The following METTL22 variants were observed in gnomAD, a reference collection of about 807,000 sequenced individuals.
METTL22 encodes methyltransferase 22, Kin17 lysine, also known as methyltransferase-like protein 22.
METTL22 carries 51 observed loss-of-function variants against 48.4 expected under a neutral mutation model. That is an observed-to-expected ratio of 1.05 (90% CI 0.84 to 1.33). The LOEUF is 1.33. METTL22 is among the 40% of genes most tolerant of loss of function. The probability of loss-of-function intolerance (pLI) is 0.00; values close to 1 mark genes in which losing one functional copy is unlikely to be tolerated. For synonymous variants in METTL22, 255 were observed against 214.1 expected (o/e 1.19, Z -1.67); for missense variants, 678 against 526.9 (o/e 1.29, Z -2.81).
intron 5 of METTL22, among the ~76,000 whole-genome samples, chr16:8,637,716 G>A (rs1020833485): frequency 1.1e-4 from 16 of 152,230 alleles, no homozygotes; most frequent in African/African-American, 3.4e-4. Context: ...CCACAAGCTG[G>A]CCGAGGGATG....
chr16:8,663,566 C>T, the METTL22 span, among the ~76,000 whole-genome samples: 2 of 148,862 alleles, frequency 1.3e-5, no homozygotes, highest in Non-Finnish European at 3.0e-5. Flanking sequence ...GTGGGGGCCC[C>T]ACCTGGAGGC....
At chr16:8,633,006 T>C (rs1731052) in intron 3 of METTL22, among the ~76,000 whole-genome samples, 150,248 of 152,172 alleles carry the variant, frequency 0.99, 74,208 homozygotes, top group Middle Eastern at 1. Flanking sequence ...AGGGAGCAGA[T>C]GGCAAGGAGG....
chr16:8,645,975 C>G (rs75094973), intron 10 of METTL22, 133 bp from the exon 11 acceptor site: 2 of 1,289,600 alleles, frequency 1.6e-6, no homozygotes, highest in African/African-American at 6.1e-5. Flanking sequence ...CCGTCCGCTC[C>G]TGCCCCAGCT....
chr16:8,623,352 G>T (rs529756378), intron 1 of METTL22, among the ~76,000 whole-genome samples: 1 of 151,014 alleles, frequency 6.6e-6, no homozygotes, highest in South Asian at 2.1e-4. Context: ...AAAAGAAATG[G>T]CATCCTTTGG....
At chr16:8,646,025 T>TTTCC in intron 10 of METTL22, 83 bp from the exon 11 acceptor site, 2 of 1,599,002 alleles carry the variant, frequency 1.3e-6, no homozygotes, top group Non-Finnish European at 8.5e-7. Context: ...ACTACTCTCC[T>TTTCC]TGGTGAATCA....
At chr16:8,650,699 A>G (rs984697395), downstream of METTL22, among the ~76,000 whole-genome samples, 3 of 152,208 alleles carry the variant, frequency 2.0e-5, no homozygotes, top group South Asian at 4.1e-4. Flanking sequence ...ACACATTCAT[A>G]TGCACCCCAT....
intron 4 of METTL22, 38 bp from the exon 5 acceptor site, chr16:8,635,130 C>G: frequency 6.2e-7 from 1 of 1,613,926 alleles, no homozygotes; most frequent in Non-Finnish European, 8.5e-7. Flanking sequence ...CCTGCAGAGC[C>G]TCACGCTGCT....
At chr16:8,635,535 G>C (rs1294928974) in intron 5 of METTL22, among the ~76,000 whole-genome samples, 2 of 152,292 alleles carry the variant, frequency 1.3e-5, no homozygotes, top group Admixed American at 1.3e-4. Context: ...GTGGCTATAA[G>C]GCCATTGAGC....
At chr16:8,626,761 CT>C (rs34726811) in intron 2 of METTL22, among the ~76,000 whole-genome samples, 74 of 52,530 alleles carry the variant, frequency 1.4e-3, no homozygotes, top group African/African-American at 5.4e-3. Context: ...GTCCTCTACT[CT>C]TTTTTTTTTT....
the METTL22 span, among the ~76,000 whole-genome samples, chr16:8,662,646 G>C: frequency 2.1e-5 from 3 of 144,106 alleles, 1 homozygote; most frequent in Non-Finnish European, 4.6e-5. Context: ...GAAGCTGATG[G>C]TTTGGGTCCT....
the METTL22 span, among the ~76,000 whole-genome samples, chr16:8,657,552 A>C: frequency 1.3e-5 from 2 of 152,208 alleles, no homozygotes; most frequent in Non-Finnish European, 2.9e-5. Flanking sequence ...TTCGTCTACT[A>C]TATGGAGTTC....
intron 2 of METTL22, 130 bp from the exon 3 acceptor site, chr16:8,628,600 G>T (rs951477625): frequency 2.4e-6 from 3 of 1,258,160 alleles, no homozygotes; most frequent in South Asian, 1.6e-5. Flanking sequence ...TTTTCTGCTG[G>T]CATTAGTATA....
In METTL22 at chr16:8,628,912, A is replaced by G; in HGVS notation, c.316A>G (p.Thr106Ala). Residue 106 changes from threonine (T) to alanine (A), a missense_variant, in exon 3 of 11, where the codon ACC (threonine) becomes GCC (alanine). Transcript: ENST00000381920. ...EGFSLQAGTDTTGQEVAEAQL... is the reference protein window; with the variant it reads ...EGFSLQAGTDATGQEVAEAQL... ...TTTCTCCCTCCAGGCCGGGACTGAC[A>G]CCACTGGCCAGGAAGTGGCTGAAGC... is the stretch of plus-strand genomic sequence containing the variant. 6.2e-7 allele frequency: 1 copy of G among 1,613,880 alleles called. No individual in the cohort carries two copies. Among genetic ancestry groups the G allele is most frequent in the Non-Finnish European group, 8.5e-7 (1 of 1,179,972 alleles).
the METTL22 span, among the ~76,000 whole-genome samples, chr16:8,657,144 TA>T: frequency 1.4e-4 from 22 of 152,114 alleles, 1 homozygote; most frequent in African/African-American, 5.1e-4. Context: ...TACAGCAAGA[TA>T]AGAGAGGAAG....
chr16:8,652,869 A>C (rs539060913), downstream of METTL22, among the ~76,000 whole-genome samples: 5 of 152,206 alleles, frequency 3.3e-5, no homozygotes, highest in Admixed American at 6.5e-5. Flanking sequence ...GTGTCCCCTG[A>C]ATGGGGAAGG....
intron 1 of METTL22, among the ~76,000 whole-genome samples, chr16:8,622,908 A>C (rs2055903553): frequency 6.6e-6 from 1 of 152,184 alleles, no homozygotes; most frequent in Non-Finnish European, 1.5e-5. Flanking sequence ...AGAGATTAAG[A>C]ATTTGAGTTT....
chr16:8,628,895 T>C lies in METTL22; in HGVS notation c.299T>C (p.Leu100Pro). ...GSGHGNEGFSLQAGTDTTGQE... is the reference protein window; with the variant it reads ...GSGHGNEGFSPQAGTDTTGQE... ...GGCCATGGTAATGAGGGTTTCTCCC[T>C]CCAGGCCGGGACTGACACCACTGGC... Residue 100 changes from leucine to proline, a missense_variant, in exon 3 of 11, where the codon CTC (leucine) becomes CCC (proline). By Grantham distance (98) the Leu-to-Pro change is moderately conservative (BLOSUM62 -3). Coordinates refer to ENST00000381920, the MANE Select transcript of METTL22 (RefSeq NM_024109.4). The C allele has an allele frequency of 1.2e-6, 2 of 1,613,752 alleles. No homozygotes were observed. The highest frequency in any genetic ancestry group is 1.7e-6 in the Non-Finnish European group (2 of 1,179,962).
chr16:8,631,856 A>G (rs2056274247), intron 3 of METTL22: 1 of 152,224 alleles, frequency 6.6e-6, no homozygotes, highest in African/African-American at 2.4e-5. Flanking sequence ...GGGAGCCCCA[A>G]GATGGCCCTG....
At chr16:8,631,049 T>A (rs2056243100) in intron 3 of METTL22, among the ~76,000 whole-genome samples, 1 of 152,154 alleles carries the variant, frequency 6.6e-6, no homozygotes, top group African/African-American at 2.4e-5. Context: ...TGGGTTTTAG[T>A]GATAATTTAT....
Sources: allele counts gnomAD v4.1 joint callset (sites outside exome capture counted in the v4.1 genomes callset), GRCh38; gene constraint gnomAD v4.1.1; transcripts MANE v1.5; gene names NCBI Gene and HGNC (gene_info 2026-07-23, HGNC 2026-07-21).